The following SPOCK1 variants were observed in gnomAD, a reference collection of about 807,000 sequenced individuals.
SPOCK1 encodes SPARC (osteonectin), cwcv and kazal like domains proteoglycan 1, also known as testican-1.
Under a neutral mutation model 55.3 loss-of-function variants are expected in SPOCK1, and 23 were observed. That is an observed-to-expected ratio of 0.42 (90% CI 0.30 to 0.59). The LOEUF (loss-of-function observed/expected upper bound fraction) is 0.59. Ranked by LOEUF, SPOCK1 falls within the 20% of genes least tolerant of loss-of-function variation. The pLI is 0.22. For synonymous variants in SPOCK1, 226 were observed against 221.0 expected, an observed-to-expected ratio of 1.02 and a Z score of -0.20; for missense variants, 499 against 552.5, an observed-to-expected ratio of 0.90 and a Z score of 0.97.
At chr5:137,112,369 T>C (rs563323830) in intron 5 of SPOCK1, 66 bp downstream of exon 5, 13 of 1,570,448 alleles carry the variant, frequency 8.3e-6, no homozygotes, top group Admixed American at 5.5e-5. Context: ...AGTTTTGGCA[T>C]AGAGAAGTGT....
intron 2 of SPOCK1, among the ~76,000 whole-genome samples, chr5:137,427,282 T>C (rs528299151): frequency 1.3e-5 from 2 of 152,274 alleles, no homozygotes; most frequent in East Asian, 1.9e-4. Context: ...ACTGCTGAAG[T>C]GGAGAGAAGC....
intron 2 of SPOCK1, among the ~76,000 whole-genome samples, chr5:137,420,331 T>C (rs376796928): frequency 6.6e-6 from 1 of 152,088 alleles, no homozygotes; most frequent in Non-Finnish European, 1.5e-5. Context: ...AGGGAGGATT[T>C]CCTCTTTTTC....
intron 5 of SPOCK1, among the ~76,000 whole-genome samples, chr5:137,105,389 ACT>A (rs1482644176): frequency 1.3e-5 from 2 of 151,992 alleles, no homozygotes; most frequent in Admixed American, 6.6e-5. Flanking sequence ...AACAGTCTCA[ACT>A]CTGCTTAAAA....
intron 5 of SPOCK1, among the ~76,000 whole-genome samples, chr5:137,075,002 C>T (rs1207983001): frequency 6.6e-6 from 1 of 152,010 alleles, no homozygotes; most frequent in African/African-American, 2.4e-5. Flanking sequence ...CGCGCCCGAC[C>T]TAATTTTTGT....
intron 2 of SPOCK1, among the ~76,000 whole-genome samples, chr5:137,439,662 T>C (rs539915910): frequency 2.0e-5 from 3 of 152,102 alleles, no homozygotes; most frequent in Non-Finnish European, 4.4e-5. Flanking sequence ...AAGGCTGGGG[T>C]ACCTCATTTA....
At chr5:137,103,277 C>T (rs561454858) in intron 5 of SPOCK1, among the ~76,000 whole-genome samples, 24 of 152,292 alleles carry the variant, frequency 1.6e-4, no homozygotes, top group Non-Finnish European at 3.2e-4. Context: ...TGAGCCACCA[C>T]GCCGGCTTTG....
intron 2 of SPOCK1, among the ~76,000 whole-genome samples, chr5:137,394,784 A>G (rs942614330): frequency 6.6e-6 from 1 of 152,226 alleles, no homozygotes; most frequent in Non-Finnish European, 1.5e-5. Flanking sequence ...ATAGGGTTTT[A>G]AGATAGTCTC....
At chr5:137,138,713 C>CA (rs1383118172) in intron 4 of SPOCK1, among the ~76,000 whole-genome samples, 4,046 of 119,198 alleles carry the variant, frequency 0.034, 93 homozygotes, top group Non-Finnish European at 0.051. Flanking sequence ...CCCCCCCCCC[C>CA]AAAAAAAAGT....
At chr5:136,981,939 G>C (rs2126958096) in intron 9 of SPOCK1, among the ~76,000 whole-genome samples, 1 of 152,246 alleles carries the variant, frequency 6.6e-6, no homozygotes, top group East Asian at 1.9e-4. Context: ...CTGTATATGT[G>C]ACAATGGTTC....
At chr5:137,229,535 A>G (rs1239380541) in intron 3 of SPOCK1, among the ~76,000 whole-genome samples, 1 of 152,186 alleles carries the variant, frequency 6.6e-6, no homozygotes, top group Non-Finnish European at 1.5e-5. Flanking sequence ...GGAGAGACCC[A>G]TCTGCTAGAA....
rs1756597238 is a variant in SPOCK1 at position 137,254,496 on chromosome 5, A to G, written c.232+12514T>C. ...GTTAGTTGCTGAGAATTTTATAATG[A>G]CAAGATCTAATATGGATTTGCTAAT... On this transcript the variant is annotated intron_variant, in intron 3 of 10. Coordinates refer to ENST00000394945, the MANE Select transcript of SPOCK1 (RefSeq NM_004598.4). Among the ~76,000 whole-genome samples the G allele has an allele frequency of 3.3e-5, 5 of 152,248 alleles. No homozygotes were observed. The South Asian group carries it at 8.3e-4, about 25-fold the overall frequency.
At position 137,093,727 on chromosome 5, in the gene SPOCK1, G is replaced by A. The variant is rs376415126; in HGVS notation, c.474+18708C>T. ...AGTCTAGGGAAACAGCATGCAGGCAGAGGGAACGGGATGTTCAAAACGCTG... is the reference window on the plus strand; with the variant it reads ...AGTCTAGGGAAACAGCATGCAGGCAAAGGGAACGGGATGTTCAAAACGCTG... On this transcript the variant is annotated intron_variant, in intron 5 of 10. Coordinates refer to ENST00000394945, the MANE Select transcript of SPOCK1 (RefSeq NM_004598.4). Among the ~76,000 whole-genome samples the A allele has an allele frequency of 5.3e-5, 8 of 152,322 alleles. No individual in the cohort carries two copies. In the East Asian group the frequency reaches 1.5e-3, roughly 29 times the overall value.
intron 6 of SPOCK1, among the ~76,000 whole-genome samples, chr5:137,037,273 A>G (rs1751902923): frequency 6.6e-6 from 1 of 151,256 alleles, no homozygotes; most frequent in Non-Finnish European, 1.5e-5. Flanking sequence ...ACTAGACGGG[A>G]ATAGGTACTG....
At chr5:137,229,381 G>C (rs187297616) in intron 3 of SPOCK1, among the ~76,000 whole-genome samples, 1 of 152,190 alleles carries the variant, frequency 6.6e-6, no homozygotes, top group Admixed American at 6.5e-5. Flanking sequence ...CTGGTCTCGA[G>C]GATGACTGGT....
chr5:137,239,882 C>T (rs996478096), intron 3 of SPOCK1, among the ~76,000 whole-genome samples: 1 of 152,038 alleles, frequency 6.6e-6, no homozygotes, highest in Non-Finnish European at 1.5e-5. Context: ...TTTTTAAAAA[C>T]AAGTTGATTA....
intron 8 of SPOCK1, among the ~76,000 whole-genome samples, chr5:136,986,882 A>G (rs62387874): frequency 0.19 from 28,987 of 152,100 alleles, 3,654 homozygotes; most frequent in Non-Finnish European, 0.26. Flanking sequence ...AAAATTACCA[A>G]TAGGAATTGT....
chr5:137,201,765 G>A (rs762426042), intron 3 of SPOCK1, among the ~76,000 whole-genome samples: 6 of 152,174 alleles, frequency 3.9e-5, no homozygotes, highest in African/African-American at 7.2e-5. Flanking sequence ...CTTGGATAAT[G>A]GCTACAGTAA....
At chr5:137,481,812 T>C (rs1357445584) in intron 2 of SPOCK1, among the ~76,000 whole-genome samples, 3 of 152,218 alleles carry the variant, frequency 2.0e-5, no homozygotes, top group African/African-American at 7.2e-5. Flanking sequence ...TTACAGGTTT[T>C]CTTCCCTGTC....
chr5:137,019,790 G>C (rs533016595), intron 6 of SPOCK1, among the ~76,000 whole-genome samples: 8 of 151,970 alleles, frequency 5.3e-5, no homozygotes, highest in African/African-American at 1.7e-4. Context: ...AGTGCAAAAA[G>C]GAATGATAGA....
Sources: gnomAD v4.1 joint callset for allele counts (sites outside exome capture counted in the v4.1 genomes callset) on GRCh38, gnomAD v4.1.1 for gene constraint, MANE v1.5 for transcripts, NCBI Gene and HGNC (gene_info 2026-07-23, HGNC 2026-07-21) for gene names.